The following DNAJC1 variants were observed in gnomAD, a reference collection of about 807,000 sequenced individuals.
DNAJC1 encodes dnaJ homolog subfamily C member 1.
DNAJC1 carries 58 observed loss-of-function variants against 76.6 expected under a neutral mutation model. The ratio of observed to expected loss-of-function variants is 0.76; its 90% CI spans 0.61 to 0.94. DNAJC1 has a LOEUF of 0.94. DNAJC1 is among the 40% of genes least tolerant of loss of function. The probability of loss-of-function intolerance (pLI) is 0.00; values close to 1 mark genes in which losing one functional copy is unlikely to be tolerated. For missense variants in DNAJC1, 689 were observed against 677.3 expected, an observed-to-expected ratio of 1.02 and a Z score of -0.19; for synonymous variants, 258 against 267.9, an observed-to-expected ratio of 0.96 and a Z score of 0.36.
chr10:21,947,165 G>A (rs950826874), intron 1 of DNAJC1, among the ~76,000 whole-genome samples: 1 of 152,172 alleles, frequency 6.6e-6, no homozygotes, highest in African/African-American at 2.4e-5. Flanking sequence ...GTCATGTGAT[G>A]TCATGTGCAA....
intron 1 of DNAJC1, among the ~76,000 whole-genome samples, chr10:21,972,946 G>A (rs1437437777): frequency 6.6e-6 from 1 of 151,992 alleles, no homozygotes; most frequent in East Asian, 1.9e-4. Context: ...TTCAAAATAT[G>A]ACACCATTTT....
chr10:21,958,962 A>G (rs1837740437), intron 1 of DNAJC1, among the ~76,000 whole-genome samples: 2 of 151,862 alleles, frequency 1.3e-5, no homozygotes, highest in African/African-American at 4.8e-5. Flanking sequence ...TCCTTTTACC[A>G]GTTTATGCTC....
chr10:21,781,494 G>C (rs1834526762), intron 9 of DNAJC1, among the ~76,000 whole-genome samples: 1 of 152,118 alleles, frequency 6.6e-6, no homozygotes, highest in African/African-American at 2.4e-5. Flanking sequence ...GGCAGAGGCG[G>C]GCAGATCACG....
At chr10:21,760,170 C>T (rs1303993201) in intron 10 of DNAJC1, among the ~76,000 whole-genome samples, 1 of 152,166 alleles carries the variant, frequency 6.6e-6, no homozygotes, top group Admixed American at 6.5e-5. Flanking sequence ...GTATTCCTAG[C>T]TACTAGGGAG....
rs1281728196 is a variant in DNAJC1 at position 21,786,455 on chromosome 10, TATATATATAGAGAGAG to T, written c.1098+19509_1098+19524del. Among the ~76,000 whole-genome samples, 19 of 56,960 alleles carry T rather than the reference TATATATATAGAGAGAG, an allele frequency of 3.3e-4. No homozygotes were observed. The East Asian group carries it at 3.9e-3, about 12-fold the overall frequency. 37.4% of individuals were successfully genotyped at this position (56,960 alleles called of 152,430 possible). A position where few individuals can be genotyped will look rare whatever the true frequency, so the allele number is the denominator to read the frequency against. Reference sequence around the variant, plus strand: ...ATATATATATATATATATATATATATATATATATAGAGAGAGAGAGAGAGAGAGAGAGAGAGAGAGA... The same window carrying T: ...ATATATATATATATATATATATATATAGAGAGAGAGAGAGAGAGAGAGAGA... On this transcript the variant is annotated intron_variant, in intron 9 of 11. Transcript: ENST00000376980.
intron 3 of DNAJC1, among the ~76,000 whole-genome samples, chr10:21,922,677 G>A (rs1421632515): frequency 2.0e-5 from 3 of 151,928 alleles, no homozygotes; most frequent in Non-Finnish European, 1.5e-5. Flanking sequence ...ATGAGAAAAT[G>A]TATAGGTAAA....
chr10:21,810,822 C>T (rs1275420259), intron 8 of DNAJC1, among the ~76,000 whole-genome samples: 1 of 152,184 alleles, frequency 6.6e-6, no homozygotes, highest in Middle Eastern at 3.2e-3. Flanking sequence ...GTGGACTTCA[C>T]TAAGGACCCA....
intron 8 of DNAJC1, among the ~76,000 whole-genome samples, chr10:21,860,022 G>A (rs1422197834): frequency 1.3e-5 from 2 of 151,934 alleles, no homozygotes; most frequent in Non-Finnish European, 1.5e-5. Context: ...GACCTCAAGT[G>A]ATCCACCCCT....
In DNAJC1 at chr10:21,767,978, G is replaced by C. The variant is rs188010998; in HGVS notation, c.1099-1669C>G. ...TCACTGCACTCCAGCCTGGGCAACAGAGCCAGACTCCATCTTAAAAAAAAA... is the reference window on the plus strand; with the variant it reads ...TCACTGCACTCCAGCCTGGGCAACACAGCCAGACTCCATCTTAAAAAAAAA... On this transcript the variant is annotated intron_variant, in intron 9 of 11. Coordinates refer to ENST00000376980, the MANE Select transcript of DNAJC1 (RefSeq NM_022365.4). Among the ~76,000 whole-genome samples, 501 of 151,872 alleles carry C rather than the reference G, an allele frequency of 3.3e-3. 5 individuals are homozygous for C. Among genetic ancestry groups the C allele is most frequent in the African/African-American group, 0.012 (483 of 41,430 alleles).
At chr10:21,817,848 C>G (rs1835100051) in intron 8 of DNAJC1, among the ~76,000 whole-genome samples, 1 of 152,160 alleles carries the variant, frequency 6.6e-6, no homozygotes, top group Admixed American at 6.5e-5. Context: ...TATCACTTCC[C>G]CAATCAATAC....
chr10:21,813,975 C>G (rs994027836), intron 8 of DNAJC1, among the ~76,000 whole-genome samples: 2 of 152,182 alleles, frequency 1.3e-5, no homozygotes, highest in African/African-American at 4.8e-5. Context: ...TACCAGCATT[C>G]ATGAAACTGT....
intron 1 of DNAJC1, among the ~76,000 whole-genome samples, chr10:21,942,924 T>C (rs750433834): frequency 6.6e-5 from 10 of 152,070 alleles, no homozygotes; most frequent in Non-Finnish European, 1.5e-4. Flanking sequence ...AAGTCTTAAT[T>C]CTAAAACTTA....
intron 3 of DNAJC1, 31 bp downstream of exon 3, chr10:21,928,475 T>C (rs760961903): frequency 2.5e-6 from 4 of 1,595,034 alleles, no homozygotes; most frequent in Admixed American, 1.7e-5. Context: ...AACTATAACA[T>C]CTTAATTCAA....
intron 8 of DNAJC1, among the ~76,000 whole-genome samples, chr10:21,842,401 G>C (rs186876685): frequency 1.3e-5 from 2 of 152,150 alleles, no homozygotes; most frequent in African/African-American, 4.8e-5. Flanking sequence ...AAAACACAGA[G>C]AGGTAGGGCC....
At chr10:21,834,099 C>T (rs1835408987) in intron 8 of DNAJC1, among the ~76,000 whole-genome samples, 1 of 152,044 alleles carries the variant, frequency 6.6e-6, no homozygotes, top group Non-Finnish European at 1.5e-5. Flanking sequence ...CCCATCTCTA[C>T]TAAAAATACA....
At chr10:21,900,965 T>C (rs1191574153) in intron 7 of DNAJC1, among the ~76,000 whole-genome samples, 1 of 152,180 alleles carries the variant, frequency 6.6e-6, no homozygotes, top group Non-Finnish European at 1.5e-5. Context: ...ACTCTTCCTT[T>C]AGTCTTAAGG....
At position 21,886,316 on chromosome 10, in the gene DNAJC1, C is replaced by A. The variant is rs146175919; in HGVS notation, c.821-3877G>T. ...ATTCCTTGAATAGACCAATAATGAG[C>A]TCCAAAATTGAATCAGTAATAAATT... is the stretch of plus-strand genomic sequence containing the variant. On this transcript the variant is annotated intron_variant, in intron 7 of 11. Transcript: ENST00000376980. Among the ~76,000 whole-genome samples the A allele has an allele frequency of 2.6e-5, 4 of 152,110 alleles. No homozygotes were observed. In the East Asian group the frequency reaches 7.7e-4, roughly 29 times the overall value.
intron 1 of DNAJC1, among the ~76,000 whole-genome samples, chr10:21,975,845 C>G (rs1353660029): frequency 6.6e-6 from 1 of 152,194 alleles, no homozygotes; most frequent in Non-Finnish European, 1.5e-5. Flanking sequence ...TCCAGAAACT[C>G]AAACTACACA....
chr10:21,852,044 C>T (rs1397978406), intron 8 of DNAJC1, among the ~76,000 whole-genome samples: 1 of 151,072 alleles, frequency 6.6e-6, no homozygotes, highest in Non-Finnish European at 1.5e-5. Context: ...CAGAGTGAGA[C>T]TCTGTCTCAA....
Sources: allele counts gnomAD v4.1 joint callset (sites outside exome capture counted in the v4.1 genomes callset), GRCh38; gene constraint gnomAD v4.1.1; transcripts MANE v1.5; gene names NCBI Gene and HGNC (gene_info 2026-07-23, HGNC 2026-07-21).